FNIP1: variants seen among roughly 807,000 people sequenced by gnomAD.
FNIP1 encodes the protein folliculin interacting protein 1.
In FNIP1, 40 loss-of-function variants were observed where a neutral mutation model predicts 124.5. The observed-to-expected ratio is 0.32, with a 90% confidence interval of 0.25 to 0.42. The LOEUF (loss-of-function observed/expected upper bound fraction) is 0.42. Among genes scored for constraint, FNIP1 ranks in the 10% least tolerant of loss-of-function variants. The pLI is 1.00. For synonymous variants in FNIP1, 472 were observed against 470.6 expected, an observed-to-expected ratio of 1.00 and a Z score of -0.04; for missense variants, 1,176 against 1,403.7, an observed-to-expected ratio of 0.84 and a Z score of 2.59.
chr5:131,679,235 T>C (rs1342526635), intron 11 of FNIP1, 60 bp from the exon 12 acceptor site: 4 of 1,004,522 alleles, frequency 4.0e-6, no homozygotes, highest in Non-Finnish European at 6.1e-6. Context: ...ACTCTTAAAA[T>C]AATTTTAAGT....
intron 1 of FNIP1, among the ~76,000 whole-genome samples, chr5:131,794,312 C>T: frequency 8.2e-6 from 1 of 121,438 alleles, no homozygotes; most frequent in East Asian, 2.5e-4. Context: ...ACAAAAATAA[C>T]AATATCAATA....
At chr5:131,667,573 TTTTGTTTG>T (rs35498280) in intron 15 of FNIP1, among the ~76,000 whole-genome samples, 36 of 150,932 alleles carry the variant, frequency 2.4e-4, no homozygotes, top group East Asian at 3.9e-4. Context: ...ACTTCTGTTT[TTTTGTTTG>T]TTTGTTTGTT....
chr5:131,701,339 C>G, intron 10 of FNIP1, among the ~76,000 whole-genome samples: 1 of 152,258 alleles, frequency 6.6e-6, no homozygotes, highest in African/African-American at 2.4e-5. Context: ...CATGAAAACA[C>G]TTGAAAAGTA....
intron 14 of FNIP1, 64 bp from the exon 15 acceptor site, chr5:131,670,695 A>G: frequency 7.9e-7 from 1 of 1,265,272 alleles, no homozygotes. Flanking sequence ...CAGTAAAAAA[A>G]AAAAAAAGTG....
Position 131,676,610 on chromosome 5 carries a change from C to A in FNIP1, c.1519+1093G>T, listed in dbSNP as rs559835106. Among the ~76,000 whole-genome samples, 362 of 152,086 alleles carry A rather than the reference C, an allele frequency of 2.4e-3. 2 individuals carry two copies. Among genetic ancestry groups the A allele is most frequent in the Non-Finnish European group, 3.8e-3 (256 of 67,982 alleles). On this transcript the variant is annotated intron_variant, in intron 13 of 17. Transcript: ENST00000510461. ...CCCATCTCTACAATAAATACAAAAACTAGCCTGGTGTGGTGTTACGCGCCT... is the reference window on the plus strand; with the variant it reads ...CCCATCTCTACAATAAATACAAAAAATAGCCTGGTGTGGTGTTACGCGCCT...
intron 11 of FNIP1, among the ~76,000 whole-genome samples, chr5:131,693,297 CATAT>C (rs142195628): frequency 0.088 from 2,374 of 26,938 alleles, 90 homozygotes; most frequent in African/African-American, 0.2. Context: ...TAAATATATA[CATAT>C]ATATATATAT....
At chr5:131,650,596 T>C (rs1767011401) in intron 16 of FNIP1, among the ~76,000 whole-genome samples, 1 of 152,222 alleles carries the variant, frequency 6.6e-6, no homozygotes, top group South Asian at 2.1e-4. Context: ...TTTTCCAATC[T>C]TGAAGTCTTT....
At chr5:131,796,179 C>T (rs1772583237) in intron 1 of FNIP1, 1 of 152,250 alleles carries the variant, frequency 6.6e-6, no homozygotes, top group Non-Finnish European at 1.5e-5. Context: ...GGCCAGATTT[C>T]ATTCAATTTG....
rs1554097345 is a variant in FNIP1, at chr5:131,735,454, A to ATTTTATATACATAT, written c.220-4417_220-4416insATATGTATATAAAA. Among the ~76,000 whole-genome samples the ATTTTATATACATAT allele has an allele frequency of 4.8e-3, 707 of 147,478 alleles. 6 individuals carry two copies. The highest frequency in any genetic ancestry group is 0.017 in the African/African-American group (672 of 40,274). ...GCACATGTACCCTAGAACTTAAAGT[A>ATTTTATATACATAT]TTTTATATATATACACACATACGTA... On this transcript the variant is annotated intron_variant, in intron 2 of 17. Transcript: ENST00000510461.
intron 5 of FNIP1, among the ~76,000 whole-genome samples, chr5:131,717,454 T>G (rs896063497): frequency 9.9e-5 from 15 of 152,164 alleles, no homozygotes; most frequent in Admixed American, 5.2e-4. Context: ...ATCTTTAAAG[T>G]AGAAGTTGCT....
chr5:131,671,725 C>G lies in FNIP1; in HGVS notation c.2719G>C (p.Asp907His), dbSNP rs371459088. The G allele has an allele frequency of 1.2e-6, 2 of 1,614,134 alleles. No homozygotes were observed. Among genetic ancestry groups the G allele is most frequent in the Admixed American group, 1.7e-5 (1 of 60,026 alleles). Residue 907 changes from aspartate to histidine, a missense_variant, in exon 14 of 18, where the codon GAT (aspartate) becomes CAT (histidine). Around this residue, in one of 2 missense-constraint regions of FNIP1, gnomAD observed 1,109 missense variants for 1,288.5 expected, o/e 0.86. Transcript: ENST00000510461. ...KTCFPQQDQR[D>H]TLSILVPHGD... is the part of the protein sequence containing the mutation. ...TGGGGGACAAGAATGGAGAGTGTAT[C>G]TCTTTGGTCCTGCTGAGGAAAGCAG...
chr5:131,699,529 G>A (rs1481907383), intron 10 of FNIP1, among the ~76,000 whole-genome samples: 1 of 151,652 alleles, frequency 6.6e-6, no homozygotes, highest in Non-Finnish European at 1.5e-5. Context: ...GAGTAGCTGG[G>A]ATTACAGGTG....
At chr5:131,736,342 G>A (rs951947009) in intron 2 of FNIP1, among the ~76,000 whole-genome samples, 1 of 152,132 alleles carries the variant, frequency 6.6e-6, no homozygotes, top group Non-Finnish European at 1.5e-5. Flanking sequence ...GCTCAAACAG[G>A]TTAAATAACT....
rs372042969 is a variant in FNIP1 at position 131,682,196 on chromosome 5, A to G, written c.1203-3021T>C. Among the ~76,000 whole-genome samples, 29 of 152,342 alleles carry G rather than the reference A, an allele frequency of 1.9e-4. No individual in the cohort carries two copies. The East Asian group carries it at 5.6e-3, about 29-fold the overall frequency. On this transcript the variant is annotated intron_variant, in intron 11 of 17. Coordinates refer to ENST00000510461, the MANE Select transcript of FNIP1 (RefSeq NM_133372.3). ...AGACTTTTTCATGAGTTTCTTCAGCATATTACCGTCTACTATAAGTCCATG... is the reference window on the plus strand; with the variant it reads ...AGACTTTTTCATGAGTTTCTTCAGCGTATTACCGTCTACTATAAGTCCATG...
chr5:131,726,097 A>C (rs1388053679), intron 3 of FNIP1, among the ~76,000 whole-genome samples: 1 of 152,170 alleles, frequency 6.6e-6, no homozygotes, highest in Non-Finnish European at 1.5e-5. Context: ...TCAGTTTGCC[A>C]GTATTTTATT....
chr5:131,795,703 C>G (rs1386559212), intron 1 of FNIP1: 1 of 152,202 alleles, frequency 6.6e-6, no homozygotes, highest in Admixed American at 6.5e-5. Context: ...CTGATGAGAC[C>G]TGCATTAGCA....
intron 11 of FNIP1, among the ~76,000 whole-genome samples, chr5:131,698,013 T>A (rs908072737): frequency 6.7e-6 from 1 of 148,500 alleles, no homozygotes; most frequent in Non-Finnish European, 1.5e-5. Context: ...AAGAAAAGAA[T>A]GGTGCCACTA....
chr5:131,650,561 C>A, intron 16 of FNIP1, among the ~76,000 whole-genome samples: 1 of 152,176 alleles, frequency 6.6e-6, no homozygotes, highest in South Asian at 2.1e-4. Flanking sequence ...ATGTCATCTG[C>A]AAACAGAGAT....
chr5:131,648,009 T>C (rs1052493065), intron 16 of FNIP1, among the ~76,000 whole-genome samples: 1 of 151,726 alleles, frequency 6.6e-6, no homozygotes, highest in Non-Finnish European at 1.5e-5. Context: ...GCTATGTGGT[T>C]CCCCAATTTC....
Sources: allele counts gnomAD v4.1 joint callset (sites outside exome capture counted in the v4.1 genomes callset), GRCh38; gene constraint gnomAD v4.1.1; regional missense constraint gnomAD v4.1.1; transcripts MANE v1.5; gene names NCBI Gene and HGNC (gene_info 2026-07-23, HGNC 2026-07-21).